The following INPP4B variants were observed in gnomAD, a reference collection of about 807,000 sequenced individuals.
INPP4B encodes the protein inositol polyphosphate-4-phosphatase type II B, also known as inositol polyphosphate 4-phosphatase type II.
INPP4B carries 55 observed loss-of-function variants against 122.5 expected under a neutral mutation model. The observed-to-expected ratio is 0.45, with a 90% CI of 0.36 to 0.56. The LOEUF (loss-of-function observed/expected upper bound fraction) is 0.56, where lower values mean the gene tolerates loss of function less well. Among genes scored for constraint, INPP4B ranks in the 20% least tolerant of loss-of-function variants. INPP4B has a pLI of 0.00. For synonymous variants in INPP4B, 403 were observed against 388.7 expected (o/e 1.04, Z -0.43); for missense variants, 1,000 against 1,097.7 (o/e 0.91, Z 1.26).
In INPP4B at chr4:142,024,953, A is replaced by C. The variant is rs1205257390; in HGVS notation, c.*3829T>G. ...GTCATCAAATATGACTTTTAACCTA[A>C]TAGGAGTCTTTAAAGAAGGTAAAAA... On this transcript the variant is annotated 3_prime_UTR_variant, in exon 26 of 26. Transcript: ENST00000262992. 1 of 152,182 alleles carries C rather than the reference A, an allele frequency of 6.6e-6. No individual in the cohort carries two copies. Among genetic ancestry groups the C allele is most frequent in the Non-Finnish European group, 1.5e-5 (1 of 68,028 alleles). The allele number at this position is 152,182 out of a possible 1,614,324, so 9.4% of individuals were successfully genotyped here. A position where few individuals can be genotyped will look rare whatever the true frequency, so the allele number is the denominator to read the frequency against.
At position 142,839,118 on chromosome 4, in the gene INPP4B, T is replaced by A. The variant is rs182609906; in HGVS notation, c.-254+7091A>T. 6.4e-4 allele frequency among the ~76,000 whole-genome samples: 97 copies of A among 152,346 alleles called. No individual in the cohort carries two copies. In the Middle Eastern group the frequency reaches 0.017, roughly 27 times the overall value. On this transcript the variant is annotated intron_variant, in intron 1 of 25. Coordinates refer to ENST00000262992, the MANE Select transcript of INPP4B (RefSeq NM_001101669.3). The stretch of plus-strand genomic sequence containing the variant: ...CTTGACTCATGAAAAGCTAAGTTGT[T>A]GTATTCCATGGGTCTGCTATATCTA...
intron 1 of INPP4B, among the ~76,000 whole-genome samples, chr4:142,760,349 A>G (rs1295143272): frequency 6.6e-6 from 1 of 152,182 alleles, no homozygotes; most frequent in East Asian, 1.9e-4. Context: ...AGAGATTCAG[A>G]GAGGAAACTA....
chr4:142,578,422 T>C (rs1222330768), intron 2 of INPP4B, among the ~76,000 whole-genome samples: 1 of 151,954 alleles, frequency 6.6e-6, no homozygotes, highest in Non-Finnish European at 1.5e-5. Context: ...TTAACAGAAA[T>C]TTATCCTCTC....
At position 142,211,115 on chromosome 4, in the gene INPP4B, C is replaced by T. The variant is rs544512616; in HGVS notation, c.837-2089G>A. Among the ~76,000 whole-genome samples the T allele has an allele frequency of 2.0e-5, 3 of 152,286 alleles. No homozygotes were observed. In the South Asian group the frequency reaches 6.2e-4, roughly 32 times the overall value. On this transcript the variant is annotated intron_variant, in intron 12 of 25. Transcript: ENST00000262992. ...CTGAAAAGGACAAACAACTATCATA[C>T]TGTCTCTCCACATTGAGAAAAGTTC...
At chr4:142,105,871 T>C (rs1786808039) in intron 23 of INPP4B, among the ~76,000 whole-genome samples, 1 of 152,180 alleles carries the variant, frequency 6.6e-6, no homozygotes, top group African/African-American at 2.4e-5. Flanking sequence ...CCCAGCATGA[T>C]AGTTCTTTCC....
chr4:142,398,376 T>TAAAAAAAAAAAAAA (rs1183246808), intron 7 of INPP4B, among the ~76,000 whole-genome samples: 1 of 8,862 alleles, frequency 1.1e-4, no homozygotes, highest in Non-Finnish European at 2.0e-4. Flanking sequence ...AGACTCTGTC[T>TAAAAAAAAAAAAAA]AAAAAAAAAA....
chr4:142,648,370 C>T (rs1376927166), intron 2 of INPP4B, among the ~76,000 whole-genome samples: 1 of 152,164 alleles, frequency 6.6e-6, no homozygotes, highest in Non-Finnish European at 1.5e-5. Flanking sequence ...TGGGGTATTG[C>T]CTCACCCAGG....
intron 9 of INPP4B, among the ~76,000 whole-genome samples, chr4:142,285,681 A>G (rs1753325388): frequency 1.3e-5 from 2 of 152,068 alleles, no homozygotes; most frequent in Admixed American, 6.6e-5. Context: ...GACCTCACGT[A>G]TCAGAGTAAA....
chr4:142,678,248 C>T (rs995960221), intron 2 of INPP4B, among the ~76,000 whole-genome samples: 5 of 151,848 alleles, frequency 3.3e-5, no homozygotes, highest in Non-Finnish European at 5.9e-5. Flanking sequence ...AGGGGTCTAC[C>T]GTATCAGCCC....
At chr4:142,122,629 C>G (rs1161827457) in intron 20 of INPP4B, among the ~76,000 whole-genome samples, 2 of 151,976 alleles carry the variant, frequency 1.3e-5, no homozygotes, top group Non-Finnish European at 2.9e-5. Flanking sequence ...TTTTGCATCT[C>G]CATACATTAA....
chr4:142,216,952 C>T (rs1188112703), intron 12 of INPP4B, among the ~76,000 whole-genome samples: 1 of 152,066 alleles, frequency 6.6e-6, no homozygotes, highest in African/African-American at 2.4e-5. Context: ...ATTTTTTAAA[C>T]TTTATTCCTT....
intron 1 of INPP4B, among the ~76,000 whole-genome samples, chr4:142,748,973 C>T (rs912194107): frequency 1.3e-5 from 2 of 151,638 alleles, no homozygotes; most frequent in African/African-American, 4.8e-5. Context: ...AACCCCGTCT[C>T]TACTAAAAAC....
chr4:142,272,877 G>C (rs1184489118), intron 9 of INPP4B, among the ~76,000 whole-genome samples: 1 of 151,978 alleles, frequency 6.6e-6, no homozygotes, highest in African/African-American at 2.4e-5. Flanking sequence ...CAAAAGGCTT[G>C]TTTTAAACTT....
At position 142,075,310 on chromosome 4, in the gene INPP4B, T is replaced by C. The variant is rs144352889; in HGVS notation, c.2642+6721A>G. ...ACATTAATTACAGGATATCCTAACT[T>C]GCCAGTGAAAGCTGTGGGAATTCAG... On this transcript the variant is annotated intron_variant, in intron 25 of 25. Coordinates refer to ENST00000262992, the MANE Select transcript of INPP4B (RefSeq NM_001101669.3). Among the ~76,000 whole-genome samples, 549 of 151,966 alleles carry C rather than the reference T, an allele frequency of 3.6e-3. 6 individuals are homozygous for C. The highest frequency in any genetic ancestry group is 0.012 in the African/African-American group (517 of 41,460).
At chr4:142,325,745 C>T (rs1209042765) in intron 7 of INPP4B, among the ~76,000 whole-genome samples, 1 of 152,178 alleles carries the variant, frequency 6.6e-6, no homozygotes, top group Non-Finnish European at 1.5e-5. Flanking sequence ...TTTAAAACTT[C>T]TAATTTCTCT....
At chr4:142,460,748 T>C (rs984314145) in intron 3 of INPP4B, among the ~76,000 whole-genome samples, 2 of 152,278 alleles carry the variant, frequency 1.3e-5, no homozygotes, top group African/African-American at 4.8e-5. Context: ...AATTGGAAGA[T>C]GCTGAATTGG....
Position 142,188,510 on chromosome 4 carries a change from A to T in INPP4B, c.1181+4577T>A, listed in dbSNP as rs1162947038. 1.7e-3 allele frequency among the ~76,000 whole-genome samples: 103 copies of T among 62,204 alleles called. 1 individual carries two copies. The highest frequency in any genetic ancestry group is 0.013 in the Middle Eastern group (1 of 78). 40.8% of individuals were successfully genotyped at this position (62,204 alleles called of 152,430 possible). A position where few individuals can be genotyped will look rare whatever the true frequency, so the allele number is the denominator to read the frequency against. ...TCAAAAAAAAAAAAAAAAAAAAAAA[A>T]GAAAAAAAATATATATAGCTTGACT... is the stretch of plus-strand genomic sequence containing the variant. On this transcript the variant is annotated intron_variant, in intron 15 of 25. Transcript: ENST00000262992.
At chr4:142,828,548 G>GA (rs151058178) in intron 1 of INPP4B, among the ~76,000 whole-genome samples, 5,764 of 151,960 alleles carry the variant, frequency 0.038, 379 homozygotes, top group African/African-American at 0.13. Context: ...ATATCTTACA[G>GA]AAAAAAAATG....
chr4:142,405,419 C>T (rs1457720742), intron 5 of INPP4B, 95 bp from the exon 6 acceptor site: 1 of 741,536 alleles, frequency 1.3e-6, no homozygotes, highest in Non-Finnish European at 2.4e-6. Context: ...AGCTACAGCA[C>T]TGAAGGAAAT....
Sources: gnomAD v4.1 joint callset for allele counts (sites outside exome capture counted in the v4.1 genomes callset) on GRCh38, gnomAD v4.1.1 for gene constraint, MANE v1.5 for transcripts, NCBI Gene and HGNC (gene_info 2026-07-23, HGNC 2026-07-21) for gene names.